The following FYN variants were observed in gnomAD, a reference collection of about 807,000 sequenced individuals.
The protein encoded by FYN is FYN proto-oncogene, Src family tyrosine kinase.
In FYN, 10 loss-of-function variants were observed where a neutral mutation model predicts 70.2. The ratio of observed to expected loss-of-function variants is 0.14; its 90% CI spans 0.09 to 0.24. The LOEUF (loss-of-function observed/expected upper bound fraction) is 0.24. Among genes scored for constraint, FYN ranks in the 10% least tolerant of loss-of-function variants. The pLI is 1.00. For missense variants in FYN, 319 were observed against 673.1 expected, an observed-to-expected ratio of 0.47 and a Z score of 5.82; for synonymous variants, 236 against 248.6, an observed-to-expected ratio of 0.95 and a Z score of 0.48.
intron 3 of FYN, among the ~76,000 whole-genome samples, chr6:111,734,989 G>A (rs1245855453): frequency 6.6e-6 from 1 of 152,128 alleles, no homozygotes; most frequent in Non-Finnish European, 1.5e-5. Flanking sequence ...GTTGGAGAGG[G>A]GACACAGAGG....
chr6:111,830,881 A>T (rs1242495790), intron 2 of FYN, among the ~76,000 whole-genome samples: 1 of 152,008 alleles, frequency 6.6e-6, no homozygotes, highest in African/African-American at 2.4e-5. Context: ...TCCTATGCAG[A>T]GAAGGTATAT....
chr6:111,737,928 A>C (rs1444784344), intron 3 of FYN, among the ~76,000 whole-genome samples: 3 of 152,224 alleles, frequency 2.0e-5, no homozygotes, highest in African/African-American at 4.8e-5. Context: ...CCATAAAAAA[A>C]CAAATAAACA....
chr6:111,741,916 C>A (rs1801994271), intron 3 of FYN, among the ~76,000 whole-genome samples: 2 of 152,194 alleles, frequency 1.3e-5, no homozygotes, highest in Admixed American at 1.3e-4. Flanking sequence ...TGGTCCTGGG[C>A]TACACTCTGA....
intron 3 of FYN, among the ~76,000 whole-genome samples, chr6:111,742,474 G>A (rs975564198): frequency 4.6e-5 from 7 of 152,148 alleles, no homozygotes; most frequent in Non-Finnish European, 7.3e-5. Flanking sequence ...TCATTAACAT[G>A]ATATTCAGCA....
intron 2 of FYN, among the ~76,000 whole-genome samples, chr6:111,843,934 G>A (rs1023732740): frequency 2.0e-5 from 3 of 152,072 alleles, no homozygotes; most frequent in African/African-American, 4.8e-5. Context: ...AACAAATGCC[G>A]CTTTCTTAGA....
At chr6:111,771,419 CA>C (rs1178355070) in intron 3 of FYN, among the ~76,000 whole-genome samples, 5 of 152,218 alleles carry the variant, frequency 3.3e-5, no homozygotes, top group Admixed American at 6.5e-5. Context: ...GTTAACCTAC[CA>C]ATTAAAAAAT....
chr6:111,668,137 C>T (rs1441626885), intron 13 of FYN, among the ~76,000 whole-genome samples: 1 of 152,218 alleles, frequency 6.6e-6, no homozygotes, highest in Admixed American at 6.5e-5. Context: ...ATGGTGCTTG[C>T]TCAGCATGAG....
chr6:111,719,310 C>CA (rs770724122), intron 4 of FYN, among the ~76,000 whole-genome samples: 1,579 of 60,088 alleles, frequency 0.026, 15 homozygotes, highest in East Asian at 0.081. Flanking sequence ...AGGAAACTTC[C>CA]AAAAAAAAAA....
rs781197845 is a variant in FYN at position 111,720,080 on chromosome 6, G to A, written c.-11-18C>T. On this transcript the variant is annotated intron_variant, in intron 3 of 13. Transcript: ENST00000354650. ...CTAAATTCCTGCCAAAGACAAAAAA[G>A]GGGGCACGTAAGCTGGGATGCTCCC... is the stretch of plus-strand genomic sequence containing the variant. 13 of 1,565,256 alleles carry A rather than the reference G, an allele frequency of 8.3e-6. No homozygotes were observed. Among genetic ancestry groups the A allele is most frequent in the Middle Eastern group, 1.7e-4 (1 of 5,814 alleles).
intron 10 of FYN, among the ~76,000 whole-genome samples, chr6:111,695,390 A>G (rs1462127901): frequency 6.6e-6 from 1 of 152,204 alleles, no homozygotes; most frequent in Non-Finnish European, 1.5e-5. Context: ...GACATCTGAA[A>G]TGAAACATTG....
At chr6:111,862,730 T>C (rs939584013) in intron 1 of FYN, among the ~76,000 whole-genome samples, 1 of 152,214 alleles carries the variant, frequency 6.6e-6, no homozygotes, top group African/African-American at 2.4e-5. Flanking sequence ...GAATTTCTCA[T>C]ATTGAATTTA....
At chr6:111,690,194 C>T (rs1799255314) in intron 12 of FYN, among the ~76,000 whole-genome samples, 1 of 152,034 alleles carries the variant, frequency 6.6e-6, no homozygotes, top group Admixed American at 6.6e-5. Context: ...GTGGTATGGA[C>T]AAGAAGATGG....
chr6:111,808,692 TTCAAAAGCAAGCATA>T (rs1772230133), intron 2 of FYN, among the ~76,000 whole-genome samples: 1 of 152,122 alleles, frequency 6.6e-6, no homozygotes, highest in Non-Finnish European at 1.5e-5. Flanking sequence ...GGTGCAAAAC[TTCAAAAGCAAGCATA>T]CCAGGGAGTG....
rs71021858 is a variant in FYN at position 111,673,622 on chromosome 6, G to GTTTT, written c.1405+873_1405+876dup. Among the ~76,000 whole-genome samples the GTTTT allele has an allele frequency of 3.5e-3, 411 of 116,568 alleles. 8 individuals carry two copies. The highest frequency in any genetic ancestry group is 0.012 in the African/African-American group (392 of 31,654). The allele number at this position is 116,568 out of a possible 152,430, so 76.5% of individuals were successfully genotyped here. ...AATCGTCACTATCGTTTCTATCATT[G>GTTTT]TTTTTTTTTTTTTTTTTTTCTTTAA... On this transcript the variant is annotated intron_variant, in intron 13 of 13. Transcript: ENST00000354650.
At chr6:111,822,485 T>TG (rs1772697780) in intron 2 of FYN, among the ~76,000 whole-genome samples, 1 of 147,640 alleles carries the variant, frequency 6.8e-6, no homozygotes, top group Non-Finnish European at 1.5e-5. Flanking sequence ...TGTTGTGGGG[T>TG]GGGGGGAGCG....
At chr6:111,691,117 G>A (rs1799297094) in intron 12 of FYN, among the ~76,000 whole-genome samples, 1 of 152,208 alleles carries the variant, frequency 6.6e-6, no homozygotes, top group Non-Finnish European at 1.5e-5. Context: ...CTAGAGTGCT[G>A]TCAGTGGAAG....
chr6:111,683,968 C>T (rs1798883783), intron 12 of FYN, among the ~76,000 whole-genome samples: 1 of 152,336 alleles, frequency 6.6e-6, no homozygotes, highest in South Asian at 2.1e-4. Context: ...CCAAATGCTT[C>T]TGAAGTAATA....
intron 2 of FYN, among the ~76,000 whole-genome samples, chr6:111,834,866 C>T (rs1481784632): frequency 1.3e-5 from 2 of 152,174 alleles, no homozygotes; most frequent in Non-Finnish European, 2.9e-5. Context: ...CTTCTTCCTT[C>T]CTCATTCCTA....
intron 1 of FYN, among the ~76,000 whole-genome samples, chr6:111,864,356 C>T (rs566095081): frequency 6.6e-6 from 1 of 152,326 alleles, no homozygotes; most frequent in South Asian, 2.1e-4. Context: ...AATCACTTAG[C>T]CTCTGTGACT....
Sources: allele counts gnomAD v4.1 joint callset (sites outside exome capture counted in the v4.1 genomes callset), GRCh38; gene constraint gnomAD v4.1.1; transcripts MANE v1.5; gene names NCBI Gene and HGNC (gene_info 2026-07-23, HGNC 2026-07-21).